NF1: variants seen among roughly 807,000 people sequenced by gnomAD.
The protein encoded by NF1 is neurofibromin 1.
A neutral mutation model predicts 325.7 loss-of-function variants in NF1; 122 were observed. That is an observed-to-expected ratio of 0.37 (90% CI 0.32 to 0.44). The LOEUF is 0.44. NF1 is among the 20% of genes least tolerant of loss of function. The pLI is 1.00. For synonymous variants in NF1, 1,091 were observed against 1,186.0 expected (o/e 0.92, Z 1.65); for missense variants, 2,140 against 3,415.4 (o/e 0.63, Z 9.31).
At chr17:31,145,670 C>T (rs535635248) in intron 1 of NF1, among the ~76,000 whole-genome samples, 6 of 152,024 alleles carry the variant, frequency 3.9e-5, no homozygotes, top group Non-Finnish European at 7.4e-5. Context: ...GGCCTAAGTA[C>T]CACTTTTCTT....
rs150951528 is a variant in NF1, at chr17:31,100,242, G to A, written c.60+4873G>A. ...TCATCTGAATGTACGTTGAATATGC[G>A]GTGAGTGATTCACAGTATAAAATGA... On this transcript the variant is annotated intron_variant, in intron 1 of 57. Coordinates refer to ENST00000358273, the MANE Select transcript of NF1 (RefSeq NM_001042492.3). 7.9e-5 allele frequency among the ~76,000 whole-genome samples: 12 copies of A among 152,182 alleles called. No individual in the cohort carries two copies. The East Asian group carries it at 1.9e-3, about 24-fold the overall frequency.
intron 4 of NF1, among the ~76,000 whole-genome samples, chr17:31,163,587 A>G (rs2065799844): frequency 6.6e-6 from 1 of 152,216 alleles, no homozygotes; most frequent in African/African-American, 2.4e-5. Flanking sequence ...GGGCTTGCGT[A>G]GAAATTTTAT....
At chr17:31,318,267 A>G (rs751965968) in intron 36 of NF1, 16 of 1,565,690 alleles carry the variant, frequency 1.0e-5, no homozygotes, top group African/African-American at 1.4e-5. Context: ...TTTTTACTCC[A>G]TAAGCCTTCT....
intron 1 of NF1, among the ~76,000 whole-genome samples, chr17:31,131,832 A>G (rs1915414901): frequency 6.6e-6 from 1 of 150,652 alleles, no homozygotes; most frequent in Non-Finnish European, 1.5e-5. Flanking sequence ...GGGAGTTTAT[A>G]TAATCTATTT....
intron 51 of NF1, among the ~76,000 whole-genome samples, chr17:31,354,358 G>A (rs2070221295): frequency 6.6e-6 from 1 of 152,140 alleles, no homozygotes; most frequent in Non-Finnish European, 1.5e-5. Flanking sequence ...TAAGAGCAGT[G>A]GGGAATAGCA....
At chr17:31,353,408 G>T (rs980743843) in intron 51 of NF1, among the ~76,000 whole-genome samples, 2 of 152,164 alleles carry the variant, frequency 1.3e-5, no homozygotes, top group African/African-American at 4.8e-5. Flanking sequence ...CAGGTGGGAG[G>T]ATTGCTCGAG....
rs2151537807 is a variant in NF1, at chr17:31,325,919, T to C, written c.4935T>C (p.Leu1645=). ...AGCCATATGAAATTGTAGTGGACCT[T>C]ACCCATACCGGGCCTAGCAATCGCT... ...YAKPYEIVVD[L]THTGPSNRFK... is the part of the protein sequence containing the mutation. The change falls in exon 37 of 58, where the codon CTT becomes CTC. Residue 1645 remains leucine (L), a synonymous_variant. Coordinates refer to ENST00000358273, the MANE Select transcript of NF1 (RefSeq NM_001042492.3). 5 of 1,614,196 alleles carry C rather than the reference T, an allele frequency of 3.1e-6. No homozygotes were observed. Among genetic ancestry groups the C allele is most frequent in the South Asian group, 2.2e-5 (2 of 91,082 alleles).
At chr17:31,191,266 G>A (rs890630425) in intron 8 of NF1, among the ~76,000 whole-genome samples, 3 of 152,110 alleles carry the variant, frequency 2.0e-5, no homozygotes, top group Non-Finnish European at 4.4e-5. Flanking sequence ...TGAAAATTAT[G>A]TTGTGTACCT....
intron 1 of NF1, among the ~76,000 whole-genome samples, chr17:31,139,883 C>T (rs1475077742): frequency 1.3e-5 from 2 of 152,142 alleles, no homozygotes; most frequent in Non-Finnish European, 1.5e-5. Context: ...GGGTCTCTTC[C>T]TCTGAGATCA....
chr17:31,295,420 G>C, intron 36 of NF1: 1 of 1,614,072 alleles, frequency 6.2e-7, no homozygotes, highest in Non-Finnish European at 8.5e-7. Flanking sequence ...GATATTGTTT[G>C]GGTATTTTGG....
chr17:31,167,836 T>A (rs554129387), intron 4 of NF1, among the ~76,000 whole-genome samples: 1 of 152,318 alleles, frequency 6.6e-6, no homozygotes, highest in South Asian at 2.1e-4. Flanking sequence ...TAACTTCATA[T>A]TCAACATAGG....
intron 1 of NF1, among the ~76,000 whole-genome samples, chr17:31,140,979 T>C (rs980942055): frequency 6.6e-6 from 1 of 152,140 alleles, no homozygotes; most frequent in Non-Finnish European, 1.5e-5. Flanking sequence ...ATATAGATAA[T>C]AAAATAGCAG....
chr17:31,318,394 A>G lies in NF1; in HGVS notation c.4836-7426A>G, dbSNP rs775876706. On this transcript the variant is annotated intron_variant, in intron 36 of 57. Transcript: ENST00000358273. ...GAGCACTCCAGTAGATTGCATCACT[A>G]GGTTGGGTCCTGTGAGCTGTTTTGT... is the stretch of plus-strand genomic sequence containing the variant. 27 of 1,613,926 alleles carry G rather than the reference A, an allele frequency of 1.7e-5. No individual in the cohort carries two copies. The South Asian group carries it at 2.9e-4, about 17-fold the overall frequency.
At chr17:31,144,114 C>T (rs1203518640) in intron 1 of NF1, among the ~76,000 whole-genome samples, 1 of 152,102 alleles carries the variant, frequency 6.6e-6, no homozygotes, top group Non-Finnish European at 1.5e-5. Flanking sequence ...TGAGCCACTG[C>T]GCCTGGCCTT....
At chr17:31,190,419 G>GT (rs1456807533) in intron 8 of NF1, among the ~76,000 whole-genome samples, 1 of 152,162 alleles carries the variant, frequency 6.6e-6, no homozygotes, top group Admixed American at 6.5e-5. Context: ...GGTGGTGGTT[G>GT]TATTTTAAAA....
At chr17:31,216,130 T>C (rs1208835454) in intron 13 of NF1, among the ~76,000 whole-genome samples, 1 of 152,200 alleles carries the variant, frequency 6.6e-6, no homozygotes, top group African/African-American at 2.4e-5. Flanking sequence ...CTTCATTCCT[T>C]TGTTATGTGT....
At chr17:31,309,807 G>A (rs1017495314) in intron 36 of NF1, among the ~76,000 whole-genome samples, 6 of 152,118 alleles carry the variant, frequency 3.9e-5, no homozygotes, top group Non-Finnish European at 7.4e-5. Flanking sequence ...GTAAGCTGGT[G>A]GAACCCTCCA....
intron 36 of NF1, among the ~76,000 whole-genome samples, chr17:31,279,177 T>C (rs1157078182): frequency 2.6e-5 from 4 of 151,758 alleles, no homozygotes; most frequent in Admixed American, 2.6e-4. Context: ...ACCCCAGGAG[T>C]TCAAGGTTGC....
chr17:31,322,592 G>C (rs2069239333), intron 36 of NF1, among the ~76,000 whole-genome samples: 1 of 149,850 alleles, frequency 6.7e-6, no homozygotes, highest in Admixed American at 6.7e-5. Context: ...GGTTGAGGTA[G>C]GAGGATCACT....
Sources: gnomAD v4.1 joint callset for allele counts (sites outside exome capture counted in the v4.1 genomes callset) on GRCh38, gnomAD v4.1.1 for gene constraint, MANE v1.5 for transcripts, NCBI Gene and HGNC (gene_info 2026-07-23, HGNC 2026-07-21) for gene names.